Variants in CRACD observed in about 807,000 individuals in gnomAD.
The protein encoded by CRACD is capping protein inhibiting regulator of actin dynamics.
Under a neutral mutation model 106.8 loss-of-function variants are expected in CRACD, and 56 were observed. The observed-to-expected ratio is 0.52, with a 90% CI of 0.42 to 0.66. The LOEUF (loss-of-function observed/expected upper bound fraction) is 0.66. Ranked by LOEUF, CRACD falls within the 30% of genes least tolerant of loss-of-function variation. The pLI is 0.00. For missense variants in CRACD, 1,730 were observed against 1,623.2 expected (o/e 1.07, Z -1.13); for synonymous variants, 754 against 670.8 (o/e 1.12, Z -1.92).
At chr4:56,090,286 G>A (rs10032508) in intron 1 of CRACD, among the ~76,000 whole-genome samples, 16,689 of 152,074 alleles carry the variant, frequency 0.11, 961 homozygotes, top group East Asian at 0.19. Flanking sequence ...CACTGGGGTC[G>A]TCTGCCTGGC....
At chr4:56,254,111 C>A (rs1167381890) in intron 2 of CRACD, among the ~76,000 whole-genome samples, 1 of 152,122 alleles carries the variant, frequency 6.6e-6, no homozygotes, top group East Asian at 1.9e-4. Flanking sequence ...CAGAATAGGA[C>A]CATGCCAGCG....
intron 1 of CRACD, among the ~76,000 whole-genome samples, chr4:56,128,489 G>T (rs1734726022): frequency 6.6e-6 from 1 of 152,120 alleles, no homozygotes; most frequent in Non-Finnish European, 1.5e-5. Context: ...TCATTCCATT[G>T]TTGTAAATGC....
At chr4:56,077,823 G>A (rs937429091) in intron 1 of CRACD, among the ~76,000 whole-genome samples, 24 of 152,196 alleles carry the variant, frequency 1.6e-4, no homozygotes, top group African/African-American at 5.3e-4. Flanking sequence ...TTCTACCACA[G>A]CAGGGTTACT....
At chr4:56,127,651 C>G (rs1734702571) in intron 1 of CRACD, among the ~76,000 whole-genome samples, 4 of 152,144 alleles carry the variant, frequency 2.6e-5, no homozygotes, top group Admixed American at 2.6e-4. Flanking sequence ...ACAAGAGCAT[C>G]CTCTGTTGTA....
intron 1 of CRACD, among the ~76,000 whole-genome samples, chr4:56,090,813 G>A (rs946080827): frequency 3.3e-5 from 5 of 152,264 alleles, no homozygotes; most frequent in South Asian, 2.1e-4. Flanking sequence ...CATAAGTCCT[G>A]AAGGAGTGGA....
intron 3 of CRACD, among the ~76,000 whole-genome samples, chr4:56,296,486 A>C (rs1219567753): frequency 6.6e-6 from 1 of 152,072 alleles, no homozygotes; most frequent in Non-Finnish European, 1.5e-5. Context: ...TAGATGATAA[A>C]ATTTGGTAAT....
intron 3 of CRACD, among the ~76,000 whole-genome samples, chr4:56,289,939 A>G (rs1302542880): frequency 6.6e-6 from 1 of 152,164 alleles, no homozygotes; most frequent in Non-Finnish European, 1.5e-5. Flanking sequence ...GCTGGGCCTC[A>G]GCTTCTCCAT....
chr4:56,148,908 C>G (rs867714258), intron 1 of CRACD, among the ~76,000 whole-genome samples: 7 of 151,792 alleles, frequency 4.6e-5, no homozygotes, highest in African/African-American at 1.5e-4. Context: ...TGCCGCCTCC[C>G]AGGTTCAAGC....
In CRACD at chr4:56,307,640, A is replaced by T; in HGVS notation, c.226A>T (p.Thr76Ser). Residue 76 changes from threonine to serine, a missense_variant, in exon 5 of 11, where the codon ACC becomes TCC. Coordinates refer to ENST00000682029, the MANE Select transcript of CRACD (RefSeq NM_001393381.1). The part of the protein sequence containing the change: ...EASLEEDLFL[T>S]SPMEIVTQQD... Reference sequence around the variant, plus strand: ...TAGCTTAGAAGAGGATCTGTTCCTGACCAGTCCCATGGAAATTGTGACTCA... The same window carrying T: ...TAGCTTAGAAGAGGATCTGTTCCTGTCCAGTCCCATGGAAATTGTGACTCA... 6.2e-7 allele frequency: 1 copy of T among 1,614,176 alleles called. No individual in the cohort carries two copies. The highest frequency in any genetic ancestry group is 8.5e-7 in the Non-Finnish European group (1 of 1,180,034).
chr4:56,195,780 A>G (rs74808291), intron 2 of CRACD, among the ~76,000 whole-genome samples: 155 of 152,330 alleles, frequency 1.0e-3, no homozygotes, highest in African/African-American at 3.5e-3. Context: ...AAACATTATC[A>G]TTATCTTGTT....
chr4:56,172,811 A>G (rs1056367339), intron 1 of CRACD, among the ~76,000 whole-genome samples: 1 of 152,036 alleles, frequency 6.6e-6, no homozygotes, highest in Non-Finnish European at 1.5e-5. Flanking sequence ...TTTAGTAGAG[A>G]CGGGTTTTCA....
In CRACD at chr4:56,093,588, C is replaced by T. The variant is rs560368649; in HGVS notation, c.-336+44289C>T. Among the ~76,000 whole-genome samples the T allele has an allele frequency of 7.2e-5, 11 of 152,288 alleles. No individual in the cohort carries two copies. The South Asian group carries it at 8.3e-4, about 11-fold the overall frequency. On this transcript the variant is annotated intron_variant, in intron 1 of 10. Transcript: ENST00000682029. ...TTTTAAAGGCTGTCATCTTCTTCCACGAGGTAGGCGAGTCCTGCCACTGAA... is the reference window on the plus strand; with the variant it reads ...TTTTAAAGGCTGTCATCTTCTTCCATGAGGTAGGCGAGTCCTGCCACTGAA...
At chr4:56,216,986 CAAA>C (rs369354563) in intron 2 of CRACD, among the ~76,000 whole-genome samples, 2 of 66,298 alleles carry the variant, frequency 3.0e-5, no homozygotes, top group Non-Finnish European at 2.7e-5. Flanking sequence ...GACTCCGTCT[CAAA>C]AAAAAAAAAA....
chr4:56,115,362 T>A (rs1301797891), intron 1 of CRACD, among the ~76,000 whole-genome samples: 2 of 152,234 alleles, frequency 1.3e-5, no homozygotes, highest in East Asian at 3.8e-4. Flanking sequence ...GGACAAATCA[T>A]CTTTACCTCT....
At chr4:56,300,717 C>T (rs895572146) in intron 4 of CRACD, among the ~76,000 whole-genome samples, 2 of 152,152 alleles carry the variant, frequency 1.3e-5, no homozygotes, top group Non-Finnish European at 1.5e-5. Context: ...ATAAAAATCT[C>T]TTGTCTTCAA....
At chr4:56,185,313 C>T (rs373598029) in intron 2 of CRACD, among the ~76,000 whole-genome samples, 30 of 152,194 alleles carry the variant, frequency 2.0e-4, no homozygotes, top group Middle Eastern at 6.8e-3. Context: ...TGTCTCTTTC[C>T]AAAACATTTT....
At chr4:56,292,535 T>G (rs1338186308) in intron 3 of CRACD, among the ~76,000 whole-genome samples, 4 of 152,132 alleles carry the variant, frequency 2.6e-5, no homozygotes, top group African/African-American at 9.7e-5. Context: ...TAAATTTTTT[T>G]TTTTTTTGAG....
chr4:56,316,332 C>A lies in CRACD; in HGVS notation c.2830C>A (p.Pro944Thr). 16 of 1,614,060 alleles carry A rather than the reference C, an allele frequency of 9.9e-6. No homozygotes were observed. Among genetic ancestry groups the A allele is most frequent in the Non-Finnish European group, 1.4e-5 (16 of 1,179,916 alleles). Residue 944 changes from proline (P) to threonine (T), a missense_variant, in exon 8 of 11, where the codon CCG (proline) becomes ACG (threonine). Pro to Thr is a conservative substitution (Grantham distance 38). Coordinates refer to ENST00000682029, the MANE Select transcript of CRACD (RefSeq NM_001393381.1). ...PGPPPASSQT[P>T]APEHDKAANK... ...GCCTCCACCGGCCAGCAGCCAGACC[C>A]CGGCTCCGGAGCACGACAAGGCAGC...
At chr4:56,165,788 A>G (rs1256126697) in intron 1 of CRACD, among the ~76,000 whole-genome samples, 2 of 152,246 alleles carry the variant, frequency 1.3e-5, no homozygotes, top group African/African-American at 4.8e-5. Context: ...TTAAAAAATA[A>G]TATTTTGCTT....
Sources: gnomAD v4.1 joint callset for allele counts (sites outside exome capture counted in the v4.1 genomes callset) on GRCh38, gnomAD v4.1.1 for gene constraint, MANE v1.5 for transcripts, NCBI Gene and HGNC (gene_info 2026-07-23, HGNC 2026-07-21) for gene names.